FAM228B: variants seen among roughly 807,000 people sequenced by gnomAD.
FAM228B encodes protein FAM228B.
A neutral mutation model predicts 42.6 loss-of-function variants in FAM228B; 38 were observed. The ratio of observed to expected loss-of-function variants is 0.89; its 90% CI spans 0.69 to 1.17. The LOEUF (loss-of-function observed/expected upper bound fraction) is 1.17. Among genes scored for constraint, FAM228B ranks in the 50% most tolerant of loss-of-function variants. The pLI is 0.00. For synonymous variants in FAM228B, 109 were observed against 122.3 expected, an observed-to-expected ratio of 0.89 and a Z score of 0.72; for missense variants, 344 against 367.3, an observed-to-expected ratio of 0.94 and a Z score of 0.52.
At chr2:24,163,370 C>T (rs911046820) in intron 8 of FAM228B, among the ~76,000 whole-genome samples, 3 of 152,146 alleles carry the variant, frequency 2.0e-5, no homozygotes, top group African/African-American at 4.8e-5. Context: ...CTGGGGAGGG[C>T]GTTGGCCAAC....
At chr2:24,111,883 T>C (rs538162366) in intron 3 of FAM228B, among the ~76,000 whole-genome samples, 5 of 152,074 alleles carry the variant, frequency 3.3e-5, no homozygotes, top group Non-Finnish European at 5.9e-5. Flanking sequence ...CTCAACTGCA[T>C]GTTACAAGCT....
At chr2:24,083,134 G>T in intron 2 of FAM228B, 3 of 1,612,140 alleles carry the variant, frequency 1.9e-6, no homozygotes, top group Non-Finnish European at 2.5e-6. Context: ...CCTGGAGGTG[G>T]GTCATACTGG....
At chr2:24,161,680 G>A (rs1022973530) in intron 8 of FAM228B, 67 bp downstream of exon 8, 26 of 989,668 alleles carry the variant, frequency 2.6e-5, no homozygotes, top group Non-Finnish European at 4.1e-5. Context: ...GCCATCCCCT[G>A]CCATCCTTTC....
chr2:24,133,899 A>G (rs1377781110), intron 2 of FAM228B, among the ~76,000 whole-genome samples: 2 of 152,198 alleles, frequency 1.3e-5, no homozygotes, highest in Admixed American at 6.5e-5. Context: ...GTGACAGAGC[A>G]AGACTGTCTC....
Position 24,164,328 on chromosome 2 carries a change from C to T in FAM228B, c.925C>T (p.Gln309Ter), listed in dbSNP as rs1010474167. ...CCTCAGCCAGGAACGGGAGGAAGAC[C>T]AGGATGGGTAAGAGCTGGGGCTGTC... ...LSLSQEREED[Q>*]DGSPSPRLGL... The change falls in exon 9 of 11, where the codon CAG becomes TAG. Residue 309 changes from glutamine (Q) to a stop codon, truncating the protein, a stop_gained. Transcript: ENST00000615575. LOFTEE classifies it high-confidence loss of function. The T allele has an allele frequency of 5.8e-6, 9 of 1,550,438 alleles. No individual in the cohort carries two copies. The highest frequency in any genetic ancestry group is 2.4e-5 in the East Asian group (1 of 40,862).
At chr2:24,149,813 T>C (rs1481301742) in intron 7 of FAM228B, among the ~76,000 whole-genome samples, 1 of 152,238 alleles carries the variant, frequency 6.6e-6, no homozygotes, top group Non-Finnish European at 1.5e-5. Context: ...ATTGGGAGTG[T>C]GAGCCACTGC....
At chr2:24,121,705 C>T (rs1238310558), upstream of FAM228B, among the ~76,000 whole-genome samples, 2 of 152,048 alleles carry the variant, frequency 1.3e-5, no homozygotes, top group Non-Finnish European at 2.9e-5. Context: ...GCCCTCCCTG[C>T]GAGCTGGGGG....
At position 24,080,339 on chromosome 2, in the gene FAM228B, A is replaced by C. The variant is rs1664941944; in HGVS notation, c.-289-537A>C. On this transcript the variant is annotated intron_variant, in intron 1 of 10. Transcript: ENST00000613899. The surrounding 1 kb of genome is among the most constrained non-coding windows in gnomAD (Gnocchi z 4.7). ...CACTGCACGCCATCCTCAGTGACAG[A>C]GTGAGACTCCATCTCAAAAAAAAAA... Among the ~76,000 whole-genome samples, 2 of 151,296 alleles carry C rather than the reference A, an allele frequency of 1.3e-5. No homozygotes were observed. The highest frequency in any genetic ancestry group is 4.2e-4 in the South Asian group (2 of 4,768).
intron 2 of FAM228B, among the ~76,000 whole-genome samples, chr2:24,092,933 C>CACAA (rs1553326200): frequency 6.7e-6 from 1 of 149,576 alleles, no homozygotes; most frequent in Non-Finnish European, 1.5e-5. Context: ...TGCACACACA[C>CACAA]ACACACACAC....
upstream of FAM228B, among the ~76,000 whole-genome samples, chr2:24,118,836 T>C (rs375185988): frequency 3.3e-5 from 5 of 152,206 alleles, no homozygotes; most frequent in East Asian, 5.8e-4. Context: ...GTTGAATGAA[T>C]GAATGAATGA....
intron 2 of FAM228B, among the ~76,000 whole-genome samples, chr2:24,126,027 A>G (rs1404493997): frequency 6.6e-6 from 1 of 152,140 alleles, no homozygotes; most frequent in Non-Finnish European, 1.5e-5. Context: ...TTTTGGTTGA[A>G]TGCTATTCCC....
intron 2 of FAM228B, among the ~76,000 whole-genome samples, 187 bp downstream of exon 2, chr2:24,124,647 C>T (rs1240835814): frequency 6.6e-6 from 1 of 152,134 alleles, no homozygotes; most frequent in Non-Finnish European, 1.5e-5. Context: ...AAGGTGGAAT[C>T]ATAGGTCATT....
At position 24,084,579 on chromosome 2, in the gene FAM228B, C is replaced by A. The variant is rs1573725054; in HGVS notation, c.-210+3624C>A. The stretch of plus-strand genomic sequence containing the variant: ...GCCTCCAGACCGATCCCACCCGGAA[C>A]ACAGATGGGAACGGCGGGAAGTGGG... On this transcript the variant is annotated intron_variant, in intron 2 of 10. Transcript: ENST00000613899. The surrounding 1 kb of genome is among the most constrained non-coding windows in gnomAD (Gnocchi z 8.4). 2.3e-6 allele frequency: 1 copy of A among 440,718 alleles called. No homozygotes were observed. Among genetic ancestry groups the A allele is most frequent in the Non-Finnish European group, 4.0e-6 (1 of 251,292 alleles). 27.3% of individuals were successfully genotyped at this position (440,718 alleles called of 1,614,324 possible). A position where few individuals can be genotyped will look rare whatever the true frequency, so the allele number is the denominator to read the frequency against.
At chr2:24,124,173 G>T in intron 1 of FAM228B, 157 bp from the exon 2 acceptor site, 1 of 476,846 alleles carries the variant, frequency 2.1e-6, no homozygotes, top group South Asian at 3.5e-5. Flanking sequence ...CTCTGAAGCC[G>T]TCATCTGGAG....
At chr2:24,082,870 T>A (rs1301467449) in intron 2 of FAM228B, 1 of 1,593,956 alleles carries the variant, frequency 6.3e-7, no homozygotes, top group African/African-American at 1.3e-5. Context: ...GGAGTGAGCA[T>A]GGAGGCCTCC....
intron 2 of FAM228B, among the ~76,000 whole-genome samples, chr2:24,133,031 C>T (rs1666492818): frequency 6.6e-6 from 1 of 152,196 alleles, no homozygotes; most frequent in Non-Finnish European, 1.5e-5. Flanking sequence ...CTCTCACCTT[C>T]CAGCTCCCAT....
chr2:24,101,966 G>A (rs1665618800), intron 3 of FAM228B, among the ~76,000 whole-genome samples: 1 of 152,172 alleles, frequency 6.6e-6, no homozygotes, highest in Non-Finnish European at 1.5e-5. Flanking sequence ...ACAGGCGTGA[G>A]CTACCGCGCC....
At chr2:24,098,022 C>T (rs1002108449) in intron 3 of FAM228B, among the ~76,000 whole-genome samples, 1 of 152,156 alleles carries the variant, frequency 6.6e-6, no homozygotes, top group Non-Finnish European at 1.5e-5. Flanking sequence ...ACAACCTGCT[C>T]CTGAATGACT....
In FAM228B at chr2:24,084,340, ACAGGG is replaced by A. The variant is rs755835447; in HGVS notation, c.-210+3400_-210+3404del. On this transcript the variant is annotated intron_variant, in intron 2 of 10. Coordinates refer to the FAM228B transcript ENST00000613899. The surrounding 1 kb of genome is among the most constrained non-coding windows in gnomAD (Gnocchi z 8.4). Reference sequence around the variant, plus strand: ...CACGGCTAACATATTGTCTGAGGACACAGGGCAGGGCAGGGCAGGACAGGACAGGG... The same window carrying A: ...CACGGCTAACATATTGTCTGAGGACACAGGGCAGGGCAGGACAGGACAGGG... 108 of 1,476,378 alleles carry A rather than the reference ACAGGG, an allele frequency of 7.3e-5. No homozygotes were observed. In the East Asian group the frequency reaches 1.0e-3, roughly 14 times the overall value. The allele number at this position is 1,476,378 out of a possible 1,614,324, so 91.5% of individuals were successfully genotyped here. A position where few individuals can be genotyped will look rare whatever the true frequency, so the allele number is the denominator to read the frequency against.
Sources: allele counts gnomAD v4.1 joint callset (sites outside exome capture counted in the v4.1 genomes callset), GRCh38; gene constraint gnomAD v4.1.1; non-coding constraint Gnocchi (gnomAD v3.1); transcripts MANE v1.5; gene names NCBI Gene and HGNC (gene_info 2026-07-23, HGNC 2026-07-21).